The following RBFOX1 variants were observed in gnomAD, a reference collection of about 807,000 sequenced individuals.
The protein encoded by RBFOX1 is RNA binding fox-1 homolog 1, also known as RNA binding protein fox-1 homolog 1.
A neutral mutation model predicts 57.7 loss-of-function variants in RBFOX1; 8 were observed. The ratio of observed to expected loss-of-function variants is 0.14; its 90% CI spans 0.08 to 0.25. The LOEUF (loss-of-function observed/expected upper bound fraction) is 0.25. RBFOX1 is among the 10% of genes least tolerant of loss of function. RBFOX1 has a pLI of 1.00. For missense variants in RBFOX1, 611 were observed against 548.5 expected, an observed-to-expected ratio of 1.11 and a Z score of -1.14; for synonymous variants, 326 against 222.4, an observed-to-expected ratio of 1.47 and a Z score of -4.15.
At chr16:7,247,908 G>C (rs1407542268) in intron 4 of RBFOX1, among the ~76,000 whole-genome samples, 4 of 152,122 alleles carry the variant, frequency 2.6e-5, no homozygotes, top group Non-Finnish European at 5.9e-5. Context: ...GGTGGGAGTA[G>C]GGAGAGGATC....
intron 1 of RBFOX1, among the ~76,000 whole-genome samples, chr16:5,255,480 CT>C (rs1441516435): frequency 6.6e-6 from 1 of 151,420 alleles, no homozygotes; most frequent in Non-Finnish European, 1.5e-5. Context: ...TATCATCCAC[CT>C]AACCACCTAC....
intron 2 of RBFOX1, among the ~76,000 whole-genome samples, chr16:6,590,103 C>T (rs1027011325): frequency 2.0e-4 from 31 of 152,116 alleles, no homozygotes; most frequent in Admixed American, 5.9e-4. Flanking sequence ...AGAATGATAG[C>T]GTTTTGTAAG....
intron 1 of RBFOX1, among the ~76,000 whole-genome samples, chr16:5,306,971 C>G (rs2063954380): frequency 6.6e-6 from 1 of 152,094 alleles, no homozygotes; most frequent in African/African-American, 2.4e-5. Context: ...CCATGGCAGG[C>G]ATCTCAGCAA....
At chr16:5,723,598 T>C (rs116146574) in intron 3 of RBFOX1, among the ~76,000 whole-genome samples, 4,017 of 124,224 alleles carry the variant, frequency 0.032, 474 homozygotes, top group African/African-American at 0.17. Context: ...TAAACAGTGG[T>C]TGTCTCAGGC....
At chr16:5,409,877 GTC>G (rs976036548) in intron 1 of RBFOX1, among the ~76,000 whole-genome samples, 4 of 151,752 alleles carry the variant, frequency 2.6e-5, no homozygotes, top group African/African-American at 9.7e-5. Flanking sequence ...GTGAAACCCC[GTC>G]TCTACTAAAA....
chr16:7,581,236 G>C (rs2093735204), intron 6 of RBFOX1, among the ~76,000 whole-genome samples: 1 of 152,170 alleles, frequency 6.6e-6, no homozygotes, highest in African/African-American at 2.4e-5. Flanking sequence ...TAATAACCTT[G>C]AGTTGAGCCT....
chr16:7,679,486 C>T (rs1034741203), intron 14 of RBFOX1, among the ~76,000 whole-genome samples: 5 of 152,176 alleles, frequency 3.3e-5, no homozygotes, highest in Non-Finnish European at 2.9e-5. Context: ...TGGTAATGCT[C>T]ACTGGTTGTC....
intron 5 of RBFOX1, among the ~76,000 whole-genome samples, chr16:7,566,679 C>T (rs1206982370): frequency 6.6e-6 from 1 of 152,060 alleles, no homozygotes; most frequent in Non-Finnish European, 1.5e-5. Flanking sequence ...TATCCCAGAC[C>T]ATTTAGCCAG....
intron 1 of RBFOX1, among the ~76,000 whole-genome samples, chr16:6,243,177 G>A (rs2097549395): frequency 6.9e-6 from 1 of 144,490 alleles, no homozygotes; most frequent in Non-Finnish European, 1.5e-5. Context: ...TTTATGTACA[G>A]TTTCCTCTAG....
At position 5,638,644 on chromosome 16, in the gene RBFOX1, C is replaced by G. The variant is rs74004448; in HGVS notation, c.318+39683C>G. 9.9e-3 allele frequency among the ~76,000 whole-genome samples: 1,511 copies of G among 152,212 alleles called. 24 individuals are homozygous for G. Among genetic ancestry groups the G allele is most frequent in the African/African-American group, 0.035 (1,450 of 41,512 alleles). On this transcript the variant is annotated intron_variant, in intron 3 of 19. Coordinates refer to the RBFOX1 transcript ENST00000641259. ...TCTTGTATTCATAAGTTTTTATTCA[C>G]TGTAGATTCTAGATGGGGAGGATTG...
chr16:6,683,718 G>T (rs1407733314), intron 3 of RBFOX1, among the ~76,000 whole-genome samples: 2 of 152,178 alleles, frequency 1.3e-5, no homozygotes, highest in East Asian at 1.9e-4. Flanking sequence ...AGCAGGGTGT[G>T]TGAGATGGTG....
At chr16:6,461,838 A>G (rs949476947) in intron 2 of RBFOX1, among the ~76,000 whole-genome samples, 2 of 152,186 alleles carry the variant, frequency 1.3e-5, no homozygotes, top group African/African-American at 4.8e-5. Context: ...ATATGCAATT[A>G]TATCAGCTTT....
chr16:5,813,138 G>A (rs2055494917), intron 3 of RBFOX1, among the ~76,000 whole-genome samples: 2 of 151,920 alleles, frequency 1.3e-5, no homozygotes, highest in Admixed American at 1.3e-4. Flanking sequence ...CTCCCGAGTA[G>A]CTGGAATTAC....
chr16:7,282,941 CAT>C (rs1014671123), intron 4 of RBFOX1, among the ~76,000 whole-genome samples: 8 of 152,284 alleles, frequency 5.3e-5, no homozygotes, highest in South Asian at 2.1e-4. Flanking sequence ...AGTAGTCCAT[CAT>C]GTGTGTGTGT....
chr16:5,654,985 C>T lies in RBFOX1; in HGVS notation c.318+56024C>T, dbSNP rs1034399195. 5.3e-5 allele frequency among the ~76,000 whole-genome samples: 8 copies of T among 152,148 alleles called. No homozygotes were observed. The South Asian group carries it at 8.3e-4, about 16-fold the overall frequency. On this transcript the variant is annotated intron_variant, in intron 3 of 19. Coordinates refer to the RBFOX1 transcript ENST00000641259. ...AGAGGCTCTCCTGCTTTGGATTATA[C>T]GTTGCATTGCCTTGCACACTGGGTC... is the stretch of plus-strand genomic sequence containing the variant.
At chr16:6,034,967 A>AGTTGCTTAATT (rs369631106) in intron 1 of RBFOX1, among the ~76,000 whole-genome samples, 3 of 151,762 alleles carry the variant, frequency 2.0e-5, no homozygotes, top group African/African-American at 7.3e-5. Context: ...TAAGCAGCAG[A>AGTTGCTTAATT]GAGCATACTA....
chr16:6,865,551 G>C (rs1022981249), intron 3 of RBFOX1, among the ~76,000 whole-genome samples: 1 of 151,994 alleles, frequency 6.6e-6, no homozygotes, highest in African/African-American at 2.4e-5. Flanking sequence ...GTATCAGGTG[G>C]TAGAAATACA....
intron 2 of RBFOX1, among the ~76,000 whole-genome samples, chr16:6,647,468 G>C (rs903529839): frequency 1.3e-5 from 2 of 152,052 alleles, no homozygotes; most frequent in African/African-American, 4.8e-5. Context: ...CGTTGGTCTT[G>C]AGCCCCTGCC....
chr16:5,613,448 A>G (rs556253865), intron 3 of RBFOX1, among the ~76,000 whole-genome samples: 4 of 152,258 alleles, frequency 2.6e-5, no homozygotes, highest in Non-Finnish European at 5.9e-5. Flanking sequence ...ATATCTGCTG[A>G]TGGCACAGGG....
Sources: allele counts gnomAD v4.1 joint callset (sites outside exome capture counted in the v4.1 genomes callset), GRCh38; gene constraint gnomAD v4.1.1; transcripts MANE v1.5; gene names NCBI Gene and HGNC (gene_info 2026-07-23, HGNC 2026-07-21).